Variants in UNC5D observed in about 807,000 individuals in gnomAD.
UNC5D encodes unc-5 netrin receptor D.
Under a neutral mutation model 105.4 loss-of-function variants are expected in UNC5D, and 39 were observed. The ratio of observed to expected loss-of-function variants is 0.37; its 90% CI spans 0.29 to 0.48. The LOEUF (loss-of-function observed/expected upper bound fraction) is 0.48. Ranked by LOEUF, UNC5D falls within the 20% of genes least tolerant of loss-of-function variation. UNC5D has a pLI of 0.98. For synonymous variants in UNC5D, 452 were observed against 450.4 expected (o/e 1.00, Z -0.04); for missense variants, 991 against 1,202.4 (o/e 0.82, Z 2.60).
intron 1 of UNC5D, among the ~76,000 whole-genome samples, chr8:35,482,793 CTTTTTTTTT>C (rs5890816): frequency 6.4e-5 from 5 of 78,134 alleles, no homozygotes; most frequent in South Asian, 5.2e-4. Context: ...TTAAAGAGAT[CTTTTTTTTT>C]TTTTTTTTTT....
intron 7 of UNC5D, among the ~76,000 whole-genome samples, chr8:35,688,161 CA>C (rs71920871): frequency 0.13 from 19,551 of 147,894 alleles, 2,862 homozygotes; most frequent in African/African-American, 0.36. Flanking sequence ...ACAACAACAA[CA>C]AAAAAAAACA....
At chr8:35,331,439 G>A (rs1278359366) in intron 1 of UNC5D, among the ~76,000 whole-genome samples, 2 of 152,094 alleles carry the variant, frequency 1.3e-5, no homozygotes, top group Non-Finnish European at 2.9e-5. Context: ...TAACCACGGA[G>A]CTTCAAGAGC....
chr8:35,614,988 T>G (rs906774538), intron 4 of UNC5D, among the ~76,000 whole-genome samples: 4 of 144,362 alleles, frequency 2.8e-5, no homozygotes, highest in African/African-American at 9.9e-5. Flanking sequence ...AGCAAGAGAA[T>G]CGCTTGAGGC....
chr8:35,433,238 A>G (rs1464436285), intron 1 of UNC5D, among the ~76,000 whole-genome samples: 2 of 152,196 alleles, frequency 1.3e-5, no homozygotes, highest in Non-Finnish European at 2.9e-5. Context: ...TGGTCTCAAG[A>G]GGAGATAGAT....
At chr8:35,545,642 A>G (rs2130661058) in intron 1 of UNC5D, among the ~76,000 whole-genome samples, 1 of 152,042 alleles carries the variant, frequency 6.6e-6, no homozygotes, top group African/African-American at 2.4e-5. Context: ...GCACTTCGCT[A>G]TACAAAGCCA....
intron 1 of UNC5D, among the ~76,000 whole-genome samples, chr8:35,426,647 T>C (rs2128970961): frequency 6.6e-6 from 1 of 152,348 alleles, no homozygotes; most frequent in Admixed American, 6.5e-5. Context: ...ATCTATCTTT[T>C]ATTTGTACAG....
intron 1 of UNC5D, among the ~76,000 whole-genome samples, chr8:35,426,668 T>C (rs1257143795): frequency 6.6e-6 from 1 of 152,214 alleles, no homozygotes; most frequent in Non-Finnish European, 1.5e-5. Context: ...TTACCATCCT[T>C]AAAACTATTA....
At chr8:35,369,565 T>C (rs1802313709) in intron 1 of UNC5D, among the ~76,000 whole-genome samples, 1 of 152,194 alleles carries the variant, frequency 6.6e-6, no homozygotes, top group African/African-American at 2.4e-5. Flanking sequence ...AGTTTTCACC[T>C]CTTGACTTGG....
intron 3 of UNC5D, among the ~76,000 whole-genome samples, chr8:35,581,962 C>G (rs1406306497): frequency 3.3e-5 from 5 of 152,144 alleles, no homozygotes; most frequent in Non-Finnish European, 5.9e-5. Context: ...GTCCTCTTCT[C>G]TCCACCTGAT....
intron 1 of UNC5D, among the ~76,000 whole-genome samples, chr8:35,321,566 A>G (rs935542122): frequency 2.0e-5 from 3 of 152,114 alleles, no homozygotes; most frequent in African/African-American, 7.2e-5. Context: ...TGGAACTGTG[A>G]GTCTATTAAA....
intron 1 of UNC5D, among the ~76,000 whole-genome samples, chr8:35,483,242 A>C (rs1810611691): frequency 6.6e-6 from 1 of 151,800 alleles, no homozygotes; most frequent in South Asian, 2.1e-4. Context: ...TACAGAATTT[A>C]CTCTAAGCAT....
chr8:35,661,128 T>G (rs1450179557), intron 4 of UNC5D, among the ~76,000 whole-genome samples: 3 of 151,964 alleles, frequency 2.0e-5, no homozygotes, highest in Non-Finnish European at 4.4e-5. Flanking sequence ...AAAAGACTTA[T>G]AAATTCCTCT....
chr8:35,347,422 T>G (rs1317673164), intron 1 of UNC5D, among the ~76,000 whole-genome samples: 2 of 152,024 alleles, frequency 1.3e-5, no homozygotes, highest in African/African-American at 4.8e-5. Context: ...ATACTCAATC[T>G]GAAAAATGTG....
intron 9 of UNC5D, among the ~76,000 whole-genome samples, chr8:35,725,060 C>T (rs967673064): frequency 6.6e-6 from 1 of 152,140 alleles, no homozygotes; most frequent in African/African-American, 2.4e-5. Flanking sequence ...TGGGAAAAGT[C>T]AGGGTGATAG....
chr8:35,558,845 T>C (rs1341487432), intron 2 of UNC5D, among the ~76,000 whole-genome samples: 1 of 151,968 alleles, frequency 6.6e-6, no homozygotes, highest in East Asian at 1.9e-4. Context: ...TAGGTGGTCG[T>C]GATGGCGCAT....
intron 1 of UNC5D, chr8:35,544,273 A>G: frequency 8.7e-7 from 1 of 1,149,446 alleles, no homozygotes; most frequent in Non-Finnish European, 1.2e-6. Flanking sequence ...TGAACAGCTG[A>G]TGGCATTAGG....
At chr8:35,270,576 T>A (rs1330326284) in intron 1 of UNC5D, among the ~76,000 whole-genome samples, 1 of 152,226 alleles carries the variant, frequency 6.6e-6, no homozygotes, top group African/African-American at 2.4e-5. Context: ...TTAGTGATTA[T>A]GACAAATTGA....
chr8:35,512,569 A>ATATATATCTCTCTC (rs539399345), intron 1 of UNC5D, among the ~76,000 whole-genome samples: 10 of 64,822 alleles, frequency 1.5e-4, no homozygotes, highest in South Asian at 6.0e-4. Context: ...ATATATATAT[A>ATATATATCTCTCTC]TCTGAATAGA....
At chr8:35,269,763 T>G (rs946793636) in intron 1 of UNC5D, among the ~76,000 whole-genome samples, 28 of 152,192 alleles carry the variant, frequency 1.8e-4, no homozygotes, top group African/African-American at 6.8e-4. Context: ...TCATTTCATC[T>G]GAACAATGAC....
Sources: allele counts gnomAD v4.1 joint callset (sites outside exome capture counted in the v4.1 genomes callset), GRCh38; gene constraint gnomAD v4.1.1; transcripts MANE v1.5; gene names NCBI Gene and HGNC (gene_info 2026-07-23, HGNC 2026-07-21).